The following ZFR variants were observed in gnomAD, a reference collection of about 807,000 sequenced individuals.
ZFR encodes the protein zinc finger RNA-binding protein.
ZFR carries 19 observed loss-of-function variants against 130.7 expected under a neutral mutation model. The observed-to-expected ratio is 0.15, with a 90% CI of 0.10 to 0.21. The LOEUF (loss-of-function observed/expected upper bound fraction) is 0.21, where lower values mean the gene tolerates loss of function less well. Among genes scored for constraint, ZFR ranks in the 10% least tolerant of loss-of-function variants. ZFR has a pLI of 1.00. For synonymous variants in ZFR, 466 were observed against 456.9 expected (o/e 1.02, Z -0.25); for missense variants, 872 against 1,321.5 (o/e 0.66, Z 5.27).
intron 19 of ZFR, among the ~76,000 whole-genome samples, chr5:32,358,753 A>C (rs1035443603): frequency 6.6e-6 from 1 of 151,974 alleles, no homozygotes; most frequent in Non-Finnish European, 1.5e-5. Flanking sequence ...CCAAATGTTA[A>C]TTAATCGTCT....
chr5:32,395,327 TA>T lies in ZFR; in HGVS notation c.1834-24del, dbSNP rs781375704. The stretch of plus-strand genomic sequence containing the variant: ...TTTCTATTAATATAAATAAGACATT[TA>T]AAAAACAGCAGCCCCAAAACAATCT... On this transcript the variant is annotated intron_variant, in intron 10 of 19. Transcript: ENST00000265069. 3.4e-5 allele frequency: 51 copies of T among 1,499,322 alleles called. No homozygotes were observed. In the East Asian group the frequency reaches 1.3e-3, roughly 37 times the overall value. The allele number at this position is 1,499,322 out of a possible 1,614,324, so 92.9% of individuals were successfully genotyped here.
intron 4 of ZFR, among the ~76,000 whole-genome samples, chr5:32,416,701 A>G (rs2111814879): frequency 6.6e-6 from 1 of 152,126 alleles, no homozygotes; most frequent in East Asian, 1.9e-4. Flanking sequence ...TAAGGGACTC[A>G]TAAAATCTTA....
At chr5:32,409,730 A>G (rs768027996) in intron 5 of ZFR, among the ~76,000 whole-genome samples, 104 of 152,324 alleles carry the variant, frequency 6.8e-4, no homozygotes, top group Admixed American at 3.3e-3. Context: ...TTCATGGTTG[A>G]TTGAATCCAT....
rs1471764726 is a variant in ZFR at position 32,444,345 on chromosome 5, G to A, written c.38-17C>T. 2 of 1,535,020 alleles carry A rather than the reference G, an allele frequency of 1.3e-6. No homozygotes were observed. The highest frequency in any genetic ancestry group is 1.8e-6 in the Non-Finnish European group (2 of 1,139,722). ...GGCTGGGCACTGCGGCGGGCACGAAGAGTCGGGTCCCATGGCGGGACAAGA... is the reference window on the plus strand; with the variant it reads ...GGCTGGGCACTGCGGCGGGCACGAAAAGTCGGGTCCCATGGCGGGACAAGA... On this transcript the variant is annotated splice_polypyrimidine_tract_variant and intron_variant, in intron 1 of 19. Transcript: ENST00000265069.
intron 2 of ZFR, 150 bp from the exon 3 acceptor site, chr5:32,420,253 AAAC>A: frequency 2.5e-6 from 2 of 810,912 alleles, no homozygotes; most frequent in Non-Finnish European, 3.5e-6. Context: ...TGAACTCAAT[AAAC>A]TTCCTATTCA....
intron 9 of ZFR, 138 bp from the exon 10 acceptor site, chr5:32,397,476 C>G: frequency 9.0e-7 from 1 of 1,107,878 alleles, no homozygotes; most frequent in African/African-American, 1.6e-5. Context: ...TTCCCCAGGA[C>G]AGAGTCTTGC....
At chr5:32,421,936 C>CA (rs1179791621) in intron 2 of ZFR, among the ~76,000 whole-genome samples, 1 of 152,034 alleles carries the variant, frequency 6.6e-6, no homozygotes, top group East Asian at 1.9e-4. Flanking sequence ...ACAGGTCATA[C>CA]TTTTCCAAAA....
intron 16 of ZFR, 129 bp from the exon 17 acceptor site, chr5:32,379,339 T>C (rs1314771155): frequency 1.0e-5 from 8 of 790,338 alleles, no homozygotes; most frequent in Non-Finnish European, 1.7e-5. Flanking sequence ...ACACTTAAAA[T>C]TGGATTCAAT....
chr5:32,361,860 C>T (rs577888627), intron 19 of ZFR, among the ~76,000 whole-genome samples: 14 of 152,232 alleles, frequency 9.2e-5, no homozygotes, highest in African/African-American at 1.9e-4. Context: ...GTGGCCCGCC[C>T]GCCTTGACCT....
At chr5:32,400,300 T>C (rs933662078) in intron 8 of ZFR, 97 bp from the exon 9 acceptor site, 25 of 874,160 alleles carry the variant, frequency 2.9e-5, no homozygotes, top group Admixed American at 7.0e-5. Flanking sequence ...TTTCTGCTAA[T>C]AGTCAAACTC....
intron 17 of ZFR, among the ~76,000 whole-genome samples, chr5:32,372,436 G>C (rs146481456): frequency 1.3e-5 from 2 of 152,176 alleles, no homozygotes; most frequent in South Asian, 2.1e-4. Context: ...CTTGAAAAAC[G>C]TGAGTTTGAA....
intron 17 of ZFR, among the ~76,000 whole-genome samples, chr5:32,369,340 C>A (rs796286825): frequency 1.2e-4 from 18 of 152,218 alleles, no homozygotes; most frequent in African/African-American, 4.3e-4. Context: ...ATCTGTATTA[C>A]TTACAAATAC....
intron 19 of ZFR, among the ~76,000 whole-genome samples, chr5:32,361,382 T>C (rs1187772866): frequency 2.0e-5 from 3 of 152,224 alleles, no homozygotes; most frequent in Non-Finnish European, 4.4e-5. Flanking sequence ...CCAGTACCGT[T>C]TCTCTACTTC....
chr5:32,393,312 G>T (rs537345884), intron 11 of ZFR, among the ~76,000 whole-genome samples: 18 of 151,554 alleles, frequency 1.2e-4, no homozygotes, highest in African/African-American at 4.3e-4. Flanking sequence ...ATTTTAAAAT[G>T]AATTAACAAA....
rs751421336 is a variant in ZFR, at chr5:32,417,781, T to C, written c.432A>G (p.Ser144=). 19 of 1,613,586 alleles carry C rather than the reference T, an allele frequency of 1.2e-5. No individual in the cohort carries two copies. In the South Asian group the frequency reaches 2.0e-4, roughly 17 times the overall value. Reference sequence around the variant, plus strand: ...CAGCAGGAGCTGTGGACCTTACATATGAGTATGAATCCTAAAGAAAAGGAA... The same window carrying C: ...CAGCAGGAGCTGTGGACCTTACATACGAGTATGAATCCTAAAGAAAAGGAA... ...ATTQNYQDSY[S]YVRSTAPAVA... The change falls in exon 4 of 20, where the codon TCA becomes TCG. Residue 144 remains serine (S), a synonymous_variant. Transcript: ENST00000265069.
At chr5:32,424,958 TAC>T (rs1183241001) in intron 2 of ZFR, among the ~76,000 whole-genome samples, 2 of 152,168 alleles carry the variant, frequency 1.3e-5, no homozygotes, top group Non-Finnish European at 2.9e-5. Flanking sequence ...TTTTAAAAAC[TAC>T]AGAGTACTCA....
Position 32,370,310 on chromosome 5 carries a change from G to GGAGAGAGAGAGAGA in ZFR, c.2836-6049_2836-6036dup, listed in dbSNP as rs769362722. Among the ~76,000 whole-genome samples, 21 of 69,836 alleles carry GGAGAGAGAGAGAGA rather than the reference G, an allele frequency of 3.0e-4. 1 individual carries two copies. Among genetic ancestry groups the GGAGAGAGAGAGAGA allele is most frequent in the Admixed American group, 2.2e-3 (13 of 6,006 alleles). The allele number at this position is 69,836 out of a possible 152,430, so 45.8% of individuals were successfully genotyped here. ...TATAATAACATTGTGTGTTGTGGGG[G>GGAGAGAGAGAGAGA]GAGAGAGAGAGAGAGAGAGAGAGAG... On this transcript the variant is annotated intron_variant, in intron 17 of 19. Coordinates refer to ENST00000265069, the MANE Select transcript of ZFR (RefSeq NM_016107.5).
intron 17 of ZFR, among the ~76,000 whole-genome samples, chr5:32,372,637 A>G (rs1752699212): frequency 6.6e-6 from 1 of 152,112 alleles, no homozygotes; most frequent in South Asian, 2.1e-4. Flanking sequence ...GCTCGAGACT[A>G]ACCTGGCCAA....
At chr5:32,376,882 G>C (rs1752825105) in intron 17 of ZFR, among the ~76,000 whole-genome samples, 1 of 151,562 alleles carries the variant, frequency 6.6e-6, no homozygotes, top group South Asian at 2.1e-4. Context: ...GGAAAACGGA[G>C]GCAGGAGAAT....
Sources: allele counts gnomAD v4.1 joint callset (sites outside exome capture counted in the v4.1 genomes callset), GRCh38; gene constraint gnomAD v4.1.1; transcripts MANE v1.5; gene names NCBI Gene and HGNC (gene_info 2026-07-23, HGNC 2026-07-21).